The following UNC13C variants were observed in gnomAD, a reference collection of about 807,000 sequenced individuals.
UNC13C encodes the protein unc-13 homolog C.
In UNC13C, 174 loss-of-function variants were observed where a neutral mutation model predicts 245.4. That is an observed-to-expected ratio of 0.71 (90% CI 0.63 to 0.80). UNC13C has a LOEUF of 0.80. UNC13C is among the 30% of genes least tolerant of loss of function. The pLI is 0.00. For missense variants in UNC13C, 2,829 were observed against 2,602.9 expected (o/e 1.09, Z -1.89); for synonymous variants, 992 against 895.1 (o/e 1.11, Z -1.93).
At chr15:54,617,088 A>G (rs375744939) in intron 30 of UNC13C, among the ~76,000 whole-genome samples, 1 of 152,206 alleles carries the variant, frequency 6.6e-6, no homozygotes, top group East Asian at 1.9e-4. Context: ...GTGTAAGTAC[A>G]CTTGATGATG....
chr15:54,096,111 G>A (rs547023275), intron 2 of UNC13C, among the ~76,000 whole-genome samples: 1 of 152,324 alleles, frequency 6.6e-6, no homozygotes, highest in African/African-American at 2.4e-5. Flanking sequence ...CTGAATTGGA[G>A]TTTGAACTTC....
the UNC13C span, among the ~76,000 whole-genome samples, chr15:53,876,257 A>G: frequency 6.6e-6 from 1 of 152,202 alleles, no homozygotes; most frequent in African/African-American, 2.4e-5. Flanking sequence ...CTGGTTTTCT[A>G]ATTCAATGGA....
the UNC13C span, among the ~76,000 whole-genome samples, chr15:53,960,707 T>G: frequency 6.6e-6 from 1 of 151,998 alleles, no homozygotes; most frequent in African/African-American, 2.4e-5. Flanking sequence ...TTTGGTCAGT[T>G]TTATCAGTTT....
At chr15:53,890,223 G>T in the UNC13C span, among the ~76,000 whole-genome samples, 1 of 150,592 alleles carries the variant, frequency 6.6e-6, no homozygotes, top group Non-Finnish European at 1.5e-5. Context: ...CTCACTGCAA[G>T]CTCCGCCTTC....
chr15:54,597,469 G>A (rs953595758), intron 30 of UNC13C, among the ~76,000 whole-genome samples: 12 of 152,150 alleles, frequency 7.9e-5, no homozygotes, highest in African/African-American at 2.9e-4. Flanking sequence ...TTAGCCCAGG[G>A]TCTGTGGTCC....
intron 30 of UNC13C, among the ~76,000 whole-genome samples, chr15:54,604,068 C>A (rs973866632): frequency 6.6e-6 from 1 of 152,148 alleles, no homozygotes. Context: ...CTGCCTCTGA[C>A]GCTTTCACCC....
chr15:54,204,937 A>G (rs2034660497), intron 4 of UNC13C, among the ~76,000 whole-genome samples: 2 of 151,990 alleles, frequency 1.3e-5, no homozygotes, highest in South Asian at 2.1e-4. Flanking sequence ...TAATCATAAA[A>G]CAGTTTCAAT....
At chr15:54,583,873 A>G (rs1033516106) in intron 30 of UNC13C, among the ~76,000 whole-genome samples, 1 of 152,202 alleles carries the variant, frequency 6.6e-6, no homozygotes, top group African/African-American at 2.4e-5. Flanking sequence ...AGTCCTGTGA[A>G]TAAGTCCTGC....
intron 2 of UNC13C, among the ~76,000 whole-genome samples, chr15:54,024,461 T>TGA (rs925021244): frequency 2.6e-5 from 4 of 152,270 alleles, no homozygotes; most frequent in African/African-American, 7.2e-5. Context: ...CAAAATGTTT[T>TGA]GATGCTGAGT....
At chr15:54,370,018 G>T (rs2140881025) in intron 17 of UNC13C, among the ~76,000 whole-genome samples, 1 of 152,224 alleles carries the variant, frequency 6.6e-6, no homozygotes, top group African/African-American at 2.4e-5. Context: ...CTCATTGGTT[G>T]TACTTAACAG....
intron 20 of UNC13C, among the ~76,000 whole-genome samples, chr15:54,495,937 G>A (rs1012201947): frequency 1.3e-5 from 2 of 152,026 alleles, no homozygotes; most frequent in Admixed American, 1.3e-4. Flanking sequence ...AGGGTGTTGG[G>A]GAGATTTTGG....
At chr15:54,208,709 C>A (rs2034789387) in intron 4 of UNC13C, among the ~76,000 whole-genome samples, 1 of 151,870 alleles carries the variant, frequency 6.6e-6, no homozygotes, top group Non-Finnish European at 1.5e-5. Context: ...AGGGAAGGAG[C>A]AGTATTAAAT....
intron 2 of UNC13C, among the ~76,000 whole-genome samples, chr15:54,088,355 CTCT>C (rs1302986975): frequency 6.6e-6 from 1 of 151,924 alleles, no homozygotes; most frequent in Non-Finnish European, 1.5e-5. Flanking sequence ...CAGTCTTGGC[CTCT>C]TAGGAAAAGT....
chr15:54,457,176 A>C (rs891325516), intron 19 of UNC13C, among the ~76,000 whole-genome samples: 1 of 152,132 alleles, frequency 6.6e-6, no homozygotes, highest in East Asian at 1.9e-4. Context: ...GTGGTGTATC[A>C]CATTTACTGA....
In UNC13C at chr15:54,182,120, A is replaced by G. The variant is rs370260024; in HGVS notation, c.3071+38436A>G. 2.6e-5 allele frequency among the ~76,000 whole-genome samples: 4 copies of G among 152,094 alleles called. No homozygotes were observed. In the East Asian group the frequency reaches 7.7e-4, roughly 29 times the overall value. ...CATCCTTGTCTTGTTTTAGTTGTCA[A>G]TGGGAATGCTTCCAGTTTTTGCCCA... is the stretch of plus-strand genomic sequence containing the variant. On this transcript the variant is annotated intron_variant, in intron 4 of 32. Coordinates refer to ENST00000260323, the MANE Select transcript of UNC13C (RefSeq NM_001080534.3).
intron 26 of UNC13C, among the ~76,000 whole-genome samples, chr15:54,545,964 T>C (rs970588624): frequency 1.3e-5 from 2 of 152,198 alleles, no homozygotes; most frequent in African/African-American, 4.8e-5. Flanking sequence ...GCAATCCCAT[T>C]ACTGACTATA....
intron 3 of UNC13C, 135 bp downstream of exon 3, chr15:54,143,175 G>T (rs1315655957): frequency 2.2e-6 from 2 of 892,718 alleles, no homozygotes; most frequent in Admixed American, 4.2e-5. Context: ...TCCATTATTT[G>T]GTTGTCCTTT....
At chr15:54,067,042 C>T (rs1394918800) in intron 2 of UNC13C, among the ~76,000 whole-genome samples, 1 of 152,044 alleles carries the variant, frequency 6.6e-6, no homozygotes, top group Non-Finnish European at 1.5e-5. Flanking sequence ...TAGCTTATAG[C>T]CCTGGCTCAT....
rs3985777 is a variant in UNC13C, at chr15:54,628,412, T to TAAGTAAAGTA, written c.*1304_*1305insAAGTAAAGTA. 5 of 151,794 alleles carry TAAGTAAAGTA rather than the reference T, an allele frequency of 3.3e-5. No individual in the cohort carries two copies. Among genetic ancestry groups the TAAGTAAAGTA allele is most frequent in the Non-Finnish European group, 7.4e-5 (5 of 67,728 alleles). 9.4% of individuals were successfully genotyped at this position (151,794 alleles called of 1,614,324 possible). On this transcript the variant is annotated 3_prime_UTR_variant, in exon 33 of 33. Transcript: ENST00000260323. ...TTGTGAACAAGCTGATCTAATACGT[T>TAAGTAAAGTA]AAGTACAGAAGTGCTTAGTATCATG... is the stretch of plus-strand genomic sequence containing the variant.
Sources: gnomAD v4.1 joint callset for allele counts (sites outside exome capture counted in the v4.1 genomes callset) on GRCh38, gnomAD v4.1.1 for gene constraint, MANE v1.5 for transcripts, NCBI Gene and HGNC (gene_info 2026-07-23, HGNC 2026-07-21) for gene names.